The following NUP93 variants were observed in gnomAD, a reference collection of about 807,000 sequenced individuals.
NUP93 encodes the protein nucleoporin 93.
A neutral mutation model predicts 107.8 loss-of-function variants in NUP93; 55 were observed. The ratio of observed to expected loss-of-function variants is 0.51; its 90% CI spans 0.41 to 0.64. The LOEUF (loss-of-function observed/expected upper bound fraction) is 0.64, where lower values mean the gene tolerates loss of function less well. Among genes scored for constraint, NUP93 ranks in the 30% least tolerant of loss-of-function variants. The probability of loss-of-function intolerance (pLI) is 0.00; values close to 1 mark genes in which losing one functional copy is unlikely to be tolerated. For missense variants in NUP93, 937 were observed against 1,044.7 expected, an observed-to-expected ratio of 0.90 and a Z score of 1.42; for synonymous variants, 390 against 397.5, an observed-to-expected ratio of 0.98 and a Z score of 0.22.
chr16:56,772,337 T>C (rs1004273026), intron 3 of NUP93, among the ~76,000 whole-genome samples: 2 of 152,158 alleles, frequency 1.3e-5, no homozygotes, highest in Non-Finnish European at 2.9e-5. Context: ...ATGAACACAG[T>C]TGGAGAGTGA....
intron 5 of NUP93, among the ~76,000 whole-genome samples, chr16:56,817,284 C>T (rs967361401): frequency 2.0e-5 from 3 of 152,110 alleles, no homozygotes; most frequent in Non-Finnish European, 2.9e-5. Flanking sequence ...CTTGACACTC[C>T]AGTGTTCATT....
rs150184772 is a variant in NUP93 at position 56,733,369 on chromosome 16, G to A, written c.-15+3158G>A. Among the ~76,000 whole-genome samples, 234 of 152,276 alleles carry A rather than the reference G, an allele frequency of 1.5e-3. 1 individual carries two copies. The highest frequency in any genetic ancestry group is 6.9e-3 in the East Asian group (36 of 5,188). ...GGAGGAACAAGAAGGCTTAGTCGGC[G>A]TGCAAGTCAGAGAAGGGGCGAGAGA... is the stretch of plus-strand genomic sequence containing the variant. On this transcript the variant is annotated intron_variant, in intron 1 of 21. Transcript: ENST00000308159.
At chr16:56,743,285 T>C (rs1477536942) in intron 1 of NUP93, among the ~76,000 whole-genome samples, 1 of 152,216 alleles carries the variant, frequency 6.6e-6, no homozygotes, top group Non-Finnish European at 1.5e-5. Context: ...TTCCACCTCA[T>C]TTATGAATGT....
Position 56,849,268 on chromosome 16 carries a change from G to T in NUP93, c.*4659G>T. ...AGACAGAAACTTGCAGAGCTGCACAGCAGCAGGGAAACATTGAGAAGGGGG... is the reference window on the plus strand; with the variant it reads ...AGACAGAAACTTGCAGAGCTGCACATCAGCAGGGAAACATTGAGAAGGGGG... On this transcript the variant is annotated 3_prime_UTR_variant, in exon 22 of 22. Coordinates refer to ENST00000308159, the MANE Select transcript of NUP93 (RefSeq NM_014669.5). 6.6e-6 allele frequency: 1 copy of T among 152,378 alleles called. No individual in the cohort carries two copies. The highest frequency in any genetic ancestry group is 1.5e-5 in the Non-Finnish European group (1 of 68,058). 9.4% of individuals were successfully genotyped at this position (152,378 alleles called of 1,614,324 possible). A position where few individuals can be genotyped will look rare whatever the true frequency, so the allele number is the denominator to read the frequency against.
chr16:56,832,070 A>G, intron 11 of NUP93, 63 bp downstream of exon 11: 1 of 1,582,226 alleles, frequency 6.3e-7, no homozygotes, highest in Non-Finnish European at 8.6e-7. Context: ...AGTCCCCGCA[A>G]AGATTTTACC....
At chr16:56,783,096 C>T (rs1010611216) in intron 3 of NUP93, among the ~76,000 whole-genome samples, 1 of 152,104 alleles carries the variant, frequency 6.6e-6, no homozygotes, top group Non-Finnish European at 1.5e-5. Flanking sequence ...ACATTTAATT[C>T]GGCATTAAAA....
At chr16:56,839,217 G>T in intron 19 of NUP93, 148 bp downstream of exon 19, 1 of 280,634 alleles carries the variant, frequency 3.6e-6, no homozygotes. Flanking sequence ...GGACTTAAAA[G>T]GAGTTTCCTG....
chr16:56,774,622 T>A (rs565811811), intron 3 of NUP93, among the ~76,000 whole-genome samples: 1 of 152,232 alleles, frequency 6.6e-6, no homozygotes, highest in Non-Finnish European at 1.5e-5. Context: ...GTTTTAGAAA[T>A]CATTTGAAAT....
At position 56,840,976 on chromosome 16, in the gene NUP93, G is replaced by A. The variant is rs140520642; in HGVS notation, c.2221-729G>A. Among the ~76,000 whole-genome samples, 862 of 148,354 alleles carry A rather than the reference G, an allele frequency of 5.8e-3. 14 individuals are homozygous for A. Among genetic ancestry groups the A allele is most frequent in the African/African-American group, 0.02 (814 of 40,184 alleles). ...TGCGCCACTTCACTCCAGCCTGGGCGATAGAGGGAGACTTTGTCTCAAAAA... is the reference window on the plus strand; with the variant it reads ...TGCGCCACTTCACTCCAGCCTGGGCAATAGAGGGAGACTTTGTCTCAAAAA... On this transcript the variant is annotated intron_variant, in intron 20 of 21. Transcript: ENST00000308159.
At chr16:56,842,693 C>CA in intron 21 of NUP93, 1 of 432,396 alleles carries the variant, frequency 2.3e-6, no homozygotes, top group South Asian at 1.7e-5. Context: ...GCTGGGACTA[C>CA]AGGTACGCAC....
intron 2 of NUP93, among the ~76,000 whole-genome samples, chr16:56,752,077 A>G (rs1426969347): frequency 6.6e-6 from 1 of 152,250 alleles, no homozygotes; most frequent in Non-Finnish European, 1.5e-5. Flanking sequence ...CAATTCTAGT[A>G]GATAATTTTT....
chr16:56,767,819 T>C (rs576066739), intron 3 of NUP93, among the ~76,000 whole-genome samples: 1 of 152,208 alleles, frequency 6.6e-6, no homozygotes, highest in African/African-American at 2.4e-5. Flanking sequence ...TACAGGATCA[T>C]TTAATTCTGT....
intron 8 of NUP93, among the ~76,000 whole-genome samples, chr16:56,826,488 T>G (rs1327518630): frequency 6.9e-6 from 1 of 144,526 alleles, no homozygotes; most frequent in African/African-American, 2.6e-5. Context: ...TGCACTCCAG[T>G]CTGGGCAACA....
rs1182725132 is a variant in NUP93 at position 56,837,643 on chromosome 16, G to T, written c.1935G>T (p.Leu645=). ...ADKVLELMNK[L]LSPVVPQISA... Reference sequence around the variant, plus strand: ...AGGTACTGGAGCTGATGAACAAACTGCTGAGCCCTGTCGTCCCCCAGATCA... The same window carrying T: ...AGGTACTGGAGCTGATGAACAAACTTCTGAGCCCTGTCGTCCCCCAGATCA... Residue 645 remains leucine (L), a synonymous_variant, in exon 18 of 22, where the codon CTG becomes CTT. Coordinates refer to ENST00000308159, the MANE Select transcript of NUP93 (RefSeq NM_014669.5). 1.9e-6 allele frequency: 3 copies of T among 1,614,042 alleles called. No homozygotes were observed. Among genetic ancestry groups the T allele is most frequent in the Non-Finnish European group, 2.5e-6 (3 of 1,180,018 alleles).
At chr16:56,768,946 A>G (rs182686639) in intron 3 of NUP93, among the ~76,000 whole-genome samples, 1 of 151,834 alleles carries the variant, frequency 6.6e-6, no homozygotes, top group East Asian at 1.9e-4. Context: ...AGCATTTATT[A>G]TGTTCAGACG....
chr16:56,763,321 C>CTT lies in NUP93; in HGVS notation c.297+4668_297+4669dup, dbSNP rs1456928987. 2.6e-5 allele frequency among the ~76,000 whole-genome samples: 4 copies of CTT among 152,164 alleles called. No homozygotes were observed. The East Asian group carries it at 7.7e-4, about 29-fold the overall frequency. On this transcript the variant is annotated intron_variant, in intron 3 of 21. Transcript: ENST00000308159. ...ATTTCAGAATTTAATAGTAGTTACTCTTTCTAAACATGTTAACAGTCTGTA... is the reference window on the plus strand; with the variant it reads ...ATTTCAGAATTTAATAGTAGTTACTCTTTTTCTAAACATGTTAACAGTCTGTA...
intron 1 of NUP93, among the ~76,000 whole-genome samples, chr16:56,733,288 G>T (rs1358155658): frequency 6.6e-6 from 1 of 152,128 alleles, no homozygotes; most frequent in Non-Finnish European, 1.5e-5. Context: ...GTCCCTGATG[G>T]ACTTAAGGCA....
intron 8 of NUP93, 86 bp downstream of exon 8, chr16:56,823,932 G>A: frequency 6.8e-7 from 1 of 1,477,998 alleles, no homozygotes; most frequent in Non-Finnish European, 9.2e-7. Flanking sequence ...CTCAGGCTAG[G>A]TGTGCTGTAG....
chr16:56,824,809 G>A (rs991658936), intron 8 of NUP93, among the ~76,000 whole-genome samples: 18 of 152,148 alleles, frequency 1.2e-4, no homozygotes, highest in African/African-American at 4.1e-4. Flanking sequence ...AACACCATCA[G>A]ACACATTACA....
Sources: allele counts gnomAD v4.1 joint callset (sites outside exome capture counted in the v4.1 genomes callset), GRCh38; gene constraint gnomAD v4.1.1; transcripts MANE v1.5; gene names NCBI Gene and HGNC (gene_info 2026-07-23, HGNC 2026-07-21).